Variants in CORO2B observed in about 807,000 individuals in gnomAD.
CORO2B encodes coronin-2B.
Under a neutral mutation model 58.8 loss-of-function variants are expected in CORO2B, and 26 were observed. The observed-to-expected ratio is 0.44, with a 90% CI of 0.32 to 0.61. CORO2B has a LOEUF of 0.61. Among genes scored for constraint, CORO2B ranks in the 20% least tolerant of loss-of-function variants. The pLI, the probability that CORO2B is intolerant of heterozygous loss-of-function variation, is 0.04. For missense variants in CORO2B, 460 were observed against 645.1 expected (o/e 0.71, Z 3.11); for synonymous variants, 242 against 253.8 (o/e 0.95, Z 0.44).
chr15:68,724,605 A>G (rs1893247940), intron 11 of CORO2B, among the ~76,000 whole-genome samples: 2 of 152,212 alleles, frequency 1.3e-5, no homozygotes, highest in Admixed American at 1.3e-4. Context: ...ATTCGGCCAC[A>G]GTTTTTTTAG....
chr15:68,721,438 G>A (rs1373058872), intron 11 of CORO2B, among the ~76,000 whole-genome samples: 1 of 152,142 alleles, frequency 6.6e-6, no homozygotes, highest in African/African-American at 2.4e-5. Context: ...GGGCGCCGTA[G>A]CTCATGCCTG....
At chr15:68,640,728 AG>A (rs1901188882) in intron 1 of CORO2B, among the ~76,000 whole-genome samples, 1 of 152,338 alleles carries the variant, frequency 6.6e-6, no homozygotes, top group East Asian at 1.9e-4. Context: ...TGATGTGCTA[AG>A]GAAATTGCCG....
chr15:68,722,697 C>T (rs936384729), intron 11 of CORO2B, among the ~76,000 whole-genome samples: 8 of 152,214 alleles, frequency 5.3e-5, no homozygotes, highest in African/African-American at 1.4e-4. Context: ...TCCCTCTCAA[C>T]AGATGTAACT....
rs528856665 is a variant in CORO2B at position 68,664,107 on chromosome 15, G to A, written c.216+18747G>A. ...CACTTTGGAAAACTGGATGACAGAA[G>A]TATTCTACATTTTGATCATGGTGGT... is the stretch of plus-strand genomic sequence containing the variant. On this transcript the variant is annotated intron_variant, in intron 2 of 11. Transcript: ENST00000261861. 1.9e-4 allele frequency among the ~76,000 whole-genome samples: 29 copies of A among 152,292 alleles called. No individual in the cohort carries two copies. The East Asian group carries it at 5.2e-3, about 27-fold the overall frequency.
At chr15:68,681,320 C>T (rs1178770790) in intron 2 of CORO2B, among the ~76,000 whole-genome samples, 1 of 151,994 alleles carries the variant, frequency 6.6e-6, no homozygotes, top group Non-Finnish European at 1.5e-5. Flanking sequence ...TGGGGCGTCT[C>T]TTGAGGGGTG....
At chr15:68,549,983 A>AATAAATAAATAAAGTT in the CORO2B span, among the ~76,000 whole-genome samples, 1 of 151,788 alleles carries the variant, frequency 6.6e-6, no homozygotes, top group East Asian at 1.9e-4. Flanking sequence ...TAAATAAATA[A>AATAAATAAATAAAGTT]AGTTGCTGGT....
the CORO2B span, among the ~76,000 whole-genome samples, chr15:68,540,566 C>T: frequency 6.6e-6 from 1 of 152,216 alleles, no homozygotes; most frequent in Non-Finnish European, 1.5e-5. Flanking sequence ...TCTCACCAGT[C>T]CCTTTCATTT....
intron 1 of CORO2B, among the ~76,000 whole-genome samples, chr15:68,605,496 TCTG>T (rs1356296850): frequency 6.6e-6 from 1 of 152,238 alleles, no homozygotes; most frequent in Non-Finnish European, 1.5e-5. Context: ...AATGGAATAT[TCTG>T]CAGCCGTTAA....
the CORO2B span, among the ~76,000 whole-genome samples, chr15:68,536,340 G>C: frequency 6.6e-6 from 1 of 152,196 alleles, no homozygotes; most frequent in African/African-American, 2.4e-5. Flanking sequence ...ACTTGCAAAG[G>C]TTGGTTTATT....
At chr15:68,680,830 A>G (rs1902756104) in intron 2 of CORO2B, among the ~76,000 whole-genome samples, 1 of 152,186 alleles carries the variant, frequency 6.6e-6, no homozygotes, top group Admixed American at 6.5e-5. Context: ...TTGAAATAAC[A>G]CTTGGCTTCA....
the CORO2B span, among the ~76,000 whole-genome samples, chr15:68,549,632 C>G: frequency 6.6e-6 from 1 of 152,122 alleles, no homozygotes; most frequent in East Asian, 1.9e-4. Context: ...CATTCTGTTC[C>G]CAGCTGCTGC....
intron 1 of CORO2B, among the ~76,000 whole-genome samples, chr15:68,613,683 T>C (rs1199913962): frequency 1.3e-5 from 2 of 152,246 alleles, no homozygotes; most frequent in Non-Finnish European, 2.9e-5. Context: ...ATTGCATTTG[T>C]AAACCTAAAT....
chr15:68,725,864 C>G lies in CORO2B; in HGVS notation c.1333C>G (p.Gln445Glu). The G allele has an allele frequency of 6.2e-7, 1 of 1,613,936 alleles. No individual in the cohort carries two copies. The highest frequency in any genetic ancestry group is 8.5e-7 in the Non-Finnish European group (1 of 1,180,012). ...CCAGCTCCTTCGAATGTTCTTCCGG[C>G]AGCAGGATGAGATTCGACGGTTGAA... ...ENELLRMFFRQQDEIRRLKEE... is the reference protein window; with the variant it reads ...ENELLRMFFREQDEIRRLKEE... The change falls in exon 12 of 12, where the codon CAG (glutamine) becomes GAG (glutamate). Residue 445 changes from glutamine (Q) to glutamate (E), a missense_variant. Gln to Glu is a conservative substitution (Grantham distance 29). Transcript: ENST00000261861.
chr15:68,706,160 C>T (rs1892779454), intron 3 of CORO2B, among the ~76,000 whole-genome samples: 1 of 152,198 alleles, frequency 6.6e-6, no homozygotes, highest in Non-Finnish European at 1.5e-5. Flanking sequence ...CAGCCTGCTC[C>T]ACACGAGCCA....
the CORO2B span, among the ~76,000 whole-genome samples, chr15:68,569,226 G>T: frequency 6.6e-6 from 1 of 152,220 alleles, no homozygotes; most frequent in East Asian, 1.9e-4. Flanking sequence ...ATAATAACAT[G>T]CATCCACCAT....
intron 11 of CORO2B, among the ~76,000 whole-genome samples, chr15:68,724,552 T>C (rs1011051494): frequency 2.0e-5 from 3 of 152,206 alleles, no homozygotes; most frequent in African/African-American, 7.2e-5. Context: ...AGCCAAGATA[T>C]AGAATATTCT....
chr15:68,664,570 C>T (rs1902125654), intron 2 of CORO2B, among the ~76,000 whole-genome samples: 2 of 152,004 alleles, frequency 1.3e-5, no homozygotes, highest in Admixed American at 1.3e-4. Flanking sequence ...TGGCGTGAAC[C>T]CGGGAGGCAG....
chr15:68,599,575 A>C (rs1045627618), intron 1 of CORO2B, among the ~76,000 whole-genome samples: 1 of 152,144 alleles, frequency 6.6e-6, no homozygotes, highest in African/African-American at 2.4e-5. Context: ...GGATATAGGG[A>C]GCTTATTCTT....
the CORO2B span, among the ~76,000 whole-genome samples, chr15:68,525,273 G>A: frequency 6.6e-6 from 1 of 152,188 alleles, no homozygotes; most frequent in African/African-American, 2.4e-5. Context: ...GGGGACGGGG[G>A]ACAGATACAA....
Sources: gnomAD v4.1 joint callset for allele counts (sites outside exome capture counted in the v4.1 genomes callset) on GRCh38, gnomAD v4.1.1 for gene constraint, MANE v1.5 for transcripts, NCBI Gene and HGNC (gene_info 2026-07-23, HGNC 2026-07-21) for gene names.